The following DYNC2I1 variants were observed in gnomAD, a reference collection of about 807,000 sequenced individuals.
DYNC2I1 encodes dynein 2 intermediate chain 1, also known as cytoplasmic dynein 2 intermediate chain 1.
In DYNC2I1, 89 loss-of-function variants were observed where a neutral mutation model predicts 133.4. The ratio of observed to expected loss-of-function variants is 0.67; its 90% CI spans 0.56 to 0.80. DYNC2I1 has a LOEUF of 0.80. Ranked by LOEUF, DYNC2I1 falls within the 30% of genes least tolerant of loss-of-function variation. The probability of loss-of-function intolerance (pLI) is 0.00; values close to 1 mark genes in which losing one functional copy is unlikely to be tolerated. For missense variants in DYNC2I1, 1,291 were observed against 1,314.5 expected (o/e 0.98, Z 0.28); for synonymous variants, 504 against 484.3 (o/e 1.04, Z -0.54).
At chr7:158,889,545 C>G (rs1242168119) in intron 7 of DYNC2I1, among the ~76,000 whole-genome samples, 4 of 152,086 alleles carry the variant, frequency 2.6e-5, no homozygotes, top group Non-Finnish European at 5.9e-5. Flanking sequence ...CCAATTTTGT[C>G]TCTAAGCTCC....
intron 14 of DYNC2I1, among the ~76,000 whole-genome samples, chr7:158,916,003 A>G (rs1372167965): frequency 4.5e-5 from 5 of 110,582 alleles, no homozygotes; most frequent in South Asian, 2.8e-4. Context: ...ACGCTGGTTG[A>G]CATTAAGGAT....
At chr7:158,859,906 T>G (rs1841720469) in intron 1 of DYNC2I1, among the ~76,000 whole-genome samples, 1 of 152,224 alleles carries the variant, frequency 6.6e-6, no homozygotes, top group Non-Finnish European at 1.5e-5. Flanking sequence ...TTTTAGGAAG[T>G]TAACCCATGG....
downstream of DYNC2I1, among the ~76,000 whole-genome samples, chr7:158,947,185 C>T (rs79795037): frequency 0.073 from 11,080 of 152,222 alleles, 542 homozygotes; most frequent in Non-Finnish European, 0.11. Flanking sequence ...GTCACAGTCA[C>T]GTGGGGAAGG....
chr7:158,920,046 AAC>A (rs1848871306), intron 15 of DYNC2I1, among the ~76,000 whole-genome samples: 1 of 138,360 alleles, frequency 7.2e-6, no homozygotes. Context: ...TGTGGCCTCC[AAC>A]GGGGAACACG....
At chr7:158,902,328 A>G (rs1397394281) in intron 9 of DYNC2I1, 48 bp from the exon 10 acceptor site, 1 of 1,525,832 alleles carries the variant, frequency 6.6e-7, no homozygotes, top group Non-Finnish European at 9.0e-7. Context: ...GGGATAATTG[A>G]AAGTCAGTTT....
chr7:158,934,038 A>G (rs2129487873), intron 21 of DYNC2I1, 91 bp from the exon 22 acceptor site: 1 of 863,492 alleles, frequency 1.2e-6, no homozygotes, highest in African/African-American at 1.7e-5. Context: ...TTATACATCG[A>G]TGTATTGTAG....
At chr7:158,849,724 G>C in the DYNC2I1 span, among the ~76,000 whole-genome samples, 2 of 152,234 alleles carry the variant, frequency 1.3e-5, no homozygotes, top group South Asian at 2.1e-4. Flanking sequence ...CCTCTCTGCT[G>C]TCAGGTTGTC....
intron 21 of DYNC2I1, among the ~76,000 whole-genome samples, chr7:158,932,817 G>C (rs1057013275): frequency 1.3e-5 from 2 of 152,174 alleles, no homozygotes; most frequent in Non-Finnish European, 2.9e-5. Flanking sequence ...TAAAGGGGTA[G>C]AACTTAAAAA....
At chr7:158,913,417 A>C (rs1236700577) in intron 13 of DYNC2I1, among the ~76,000 whole-genome samples, 1 of 152,192 alleles carries the variant, frequency 6.6e-6, no homozygotes, top group African/African-American at 2.4e-5. Flanking sequence ...CCTTTGAAGC[A>C]CACTGTGTTT....
At chr7:158,929,437 G>C (rs1250845140) in intron 20 of DYNC2I1, among the ~76,000 whole-genome samples, 1 of 149,358 alleles carries the variant, frequency 6.7e-6, no homozygotes, top group Non-Finnish European at 1.5e-5. Flanking sequence ...GGCCCAGTCG[G>C]AAAGGGCCTG....
chr7:158,848,575 A>G, the DYNC2I1 span, among the ~76,000 whole-genome samples: 1 of 152,232 alleles, frequency 6.6e-6, no homozygotes, highest in Non-Finnish European at 1.5e-5. Flanking sequence ...GAAATGAAGT[A>G]AAATAAAATG....
chr7:158,922,671 G>A (rs981910433), intron 16 of DYNC2I1, 122 bp downstream of exon 16: 1 of 950,718 alleles, frequency 1.1e-6, no homozygotes. Context: ...AGGGACTTAT[G>A]GGCCATTCTC....
rs765689476 is a variant in DYNC2I1 at position 158,945,680 on chromosome 7, C to A, written c.3102C>A (p.His1034Gln). 4 of 1,612,722 alleles carry A rather than the reference C, an allele frequency of 2.5e-6. No individual in the cohort carries two copies. In the East Asian group the frequency reaches 8.9e-5, roughly 36 times the overall value. ...CGTCTGGCTCCATCGACATCCAGCA[C>A]CTGAAGAGGCGGTGGGCGGCCCCGG... ...ARASGSIDIQ[H>Q]LKRRWAAPEV... Residue 1034 changes from histidine (H) to glutamine (Q), a missense_variant, in exon 25 of 25, where the codon CAC becomes CAA. His to Gln is a conservative substitution (Grantham distance 24). Transcript: ENST00000407559. This position sits in a 1 kb window ranked among gnomAD's most constrained non-coding sequence, Gnocchi z 4.1.
intron 24 of DYNC2I1, among the ~76,000 whole-genome samples, chr7:158,944,275 C>T (rs944882032): frequency 1.3e-5 from 2 of 151,812 alleles, no homozygotes; most frequent in African/African-American, 4.8e-5. Context: ...TGTCCTCTGC[C>T]CTCTTTGCTT....
At chr7:158,887,428 T>C (rs926812912) in intron 7 of DYNC2I1, among the ~76,000 whole-genome samples, 3 of 152,198 alleles carry the variant, frequency 2.0e-5, no homozygotes, top group Non-Finnish European at 2.9e-5. Context: ...AAAACAATTG[T>C]AAATGGATAT....
At chr7:158,919,502 C>T (rs1347953355) in intron 15 of DYNC2I1, among the ~76,000 whole-genome samples, 2 of 152,172 alleles carry the variant, frequency 1.3e-5, no homozygotes, top group Non-Finnish European at 2.9e-5. Context: ...TGTCGGGTAC[C>T]GGAGGGCAGC....
intron 23 of DYNC2I1, among the ~76,000 whole-genome samples, chr7:158,936,450 C>T (rs184553830): frequency 1.5e-3 from 236 of 152,278 alleles, no homozygotes; most frequent in African/African-American, 5.4e-3. Flanking sequence ...CTTATTTGGC[C>T]TGGCACCAAG....
the DYNC2I1 span, among the ~76,000 whole-genome samples, chr7:158,842,362 C>T: frequency 6.6e-6 from 1 of 152,322 alleles, no homozygotes; most frequent in African/African-American, 2.4e-5. Flanking sequence ...TTCAACCTGA[C>T]ATTCAACAAA....
intron 23 of DYNC2I1, among the ~76,000 whole-genome samples, chr7:158,941,429 T>C (rs1851349367): frequency 6.6e-6 from 1 of 152,208 alleles, no homozygotes. Flanking sequence ...AGAAAGTGTA[T>C]CAGAGTCAGG....
Sources: allele counts gnomAD v4.1 joint callset (sites outside exome capture counted in the v4.1 genomes callset), GRCh38; gene constraint gnomAD v4.1.1; non-coding constraint Gnocchi (gnomAD v3.1); transcripts MANE v1.5; gene names NCBI Gene and HGNC (gene_info 2026-07-23, HGNC 2026-07-21).